Variants in DCLRE1C observed in about 807,000 individuals in gnomAD.
DCLRE1C encodes DNA cross-link repair 1C.
In DCLRE1C, 47 loss-of-function variants were observed where a neutral mutation model predicts 61.4. The observed-to-expected ratio is 0.77, with a 90% CI of 0.61 to 0.98. The LOEUF (loss-of-function observed/expected upper bound fraction) is 0.98, where lower values mean the gene tolerates loss of function less well. DCLRE1C is among the 50% of genes least tolerant of loss of function. DCLRE1C has a pLI of 0.00. For synonymous variants in DCLRE1C, 337 were observed against 287.6 expected (o/e 1.17, Z -1.74); for missense variants, 858 against 816.0 (o/e 1.05, Z -0.63).
intron 3 of DCLRE1C, among the ~76,000 whole-genome samples, chr10:14,940,288 TTA>T (rs1491218791): frequency 0.015 from 1,285 of 85,494 alleles, 52 homozygotes; most frequent in African/African-American, 0.043. Context: ...CACGGTTCTT[TTA>T]TTTTTTTTTT....
chr10:14,900,867 G>C (rs570624867), downstream of DCLRE1C, among the ~76,000 whole-genome samples: 1 of 152,302 alleles, frequency 6.6e-6, no homozygotes, highest in African/African-American at 2.4e-5. Context: ...AGAGGAATAA[G>C]ATTGGCAAGC....
chr10:14,928,448 C>T (rs563804768), intron 9 of DCLRE1C, among the ~76,000 whole-genome samples: 6 of 152,232 alleles, frequency 3.9e-5, no homozygotes, highest in Non-Finnish European at 7.4e-5. Flanking sequence ...ACGCAATGGA[C>T]GACCCTCAAA....
In DCLRE1C at chr10:14,918,638, A is replaced by G. The variant is rs183949812; in HGVS notation, c.1156+1100T>C. On this transcript the variant is annotated intron_variant, in intron 13 of 13. Transcript: ENST00000378278. ...CAGGAAAGCTGTTTTTTAAAAAAAA[A>G]AAAAAAGAAAAAAACCTTAGTAAAT... is the stretch of plus-strand genomic sequence containing the variant. 4.2e-3 allele frequency among the ~76,000 whole-genome samples: 631 copies of G among 152,036 alleles called. 2 individuals are homozygous for G. The highest frequency in any genetic ancestry group is 5.9e-3 in the Non-Finnish European group (398 of 67,958).
intron 3 of DCLRE1C, among the ~76,000 whole-genome samples, chr10:14,944,854 T>C (rs956087593): frequency 6.6e-6 from 1 of 151,784 alleles, no homozygotes; most frequent in Non-Finnish European, 1.5e-5. Flanking sequence ...TTTGTATTTT[T>C]AGTAGAGACA....
chr10:14,920,355 G>C (rs41299704), intron 12 of DCLRE1C: 2 of 1,034,218 alleles, frequency 1.9e-6, no homozygotes, highest in African/African-American at 3.5e-5. Flanking sequence ...AAAAGGCAGA[G>C]AAATAAGATT....
chr10:14,917,639 C>T (rs1481599437), intron 13 of DCLRE1C, among the ~76,000 whole-genome samples: 1 of 152,090 alleles, frequency 6.6e-6, no homozygotes, highest in Middle Eastern at 3.2e-3. Flanking sequence ...GCTTGGGCAA[C>T]ATGGTGAAAC....
At chr10:14,920,016 C>T (rs1270391307) in intron 12 of DCLRE1C, among the ~76,000 whole-genome samples, 184 bp from the exon 13 acceptor site, 4 of 152,132 alleles carry the variant, frequency 2.6e-5, no homozygotes, top group African/African-American at 9.7e-5. Context: ...CAGTTCTAAA[C>T]TGATTTCATA....
At chr10:14,940,669 G>A (rs1010618627) in intron 3 of DCLRE1C, among the ~76,000 whole-genome samples, 14 of 152,256 alleles carry the variant, frequency 9.2e-5, no homozygotes, top group Non-Finnish European at 1.6e-4. Flanking sequence ...CACATAAGAG[G>A]CATTCAGTAA....
In DCLRE1C at chr10:14,905,873, T is replaced by G. The variant is rs534952346; in HGVS notation, c.*2535A>C. Among the ~76,000 whole-genome samples the G allele has an allele frequency of 1.3e-5, 2 of 152,220 alleles. No individual in the cohort carries two copies. Among genetic ancestry groups the G allele is most frequent in the South Asian group, 4.1e-4 (2 of 4,820 alleles). ...GGCACACACCTGTAATCCCAGCTAC[T>G]TGGGAGGCTGAGGCAGGAAAATCAC... is the stretch of plus-strand genomic sequence containing the variant. On this transcript the variant is annotated 3_prime_UTR_variant, in exon 14 of 14. Transcript: ENST00000378278.
intron 13 of DCLRE1C, among the ~76,000 whole-genome samples, chr10:14,918,893 C>T (rs1836642549): frequency 6.6e-6 from 1 of 152,154 alleles, no homozygotes; most frequent in South Asian, 2.1e-4. Flanking sequence ...ATTAGAATCC[C>T]AGGCCCATCA....
chr10:14,924,796 G>A (rs929500356), intron 11 of DCLRE1C, among the ~76,000 whole-genome samples: 16 of 151,764 alleles, frequency 1.1e-4, no homozygotes, highest in African/African-American at 3.4e-4. Flanking sequence ...GCAGTGAGCC[G>A]AGATCACGCC....
At chr10:14,933,825 T>C (rs1839423501) in intron 8 of DCLRE1C, among the ~76,000 whole-genome samples, 1 of 152,230 alleles carries the variant, frequency 6.6e-6, no homozygotes, top group African/African-American at 2.4e-5. Context: ...GGCATTTCAC[T>C]GAAGGCTCTT....
At chr10:14,951,760 T>A (rs1370835205) in intron 1 of DCLRE1C, among the ~76,000 whole-genome samples, 1 of 152,188 alleles carries the variant, frequency 6.6e-6, no homozygotes, top group East Asian at 1.9e-4. Flanking sequence ...GTAAGGAAAC[T>A]AATCCTATCA....
At chr10:14,912,430 C>T (rs56141377) in intron 13 of DCLRE1C, among the ~76,000 whole-genome samples, 4,030 of 152,170 alleles carry the variant, frequency 0.026, 103 homozygotes, top group Middle Eastern at 0.058. Context: ...AAAATTCTAC[C>T]CCCCACAAGA....
rs1344645675 is a variant in DCLRE1C at position 14,907,644 on chromosome 10, A to G, written c.*764T>C. Among the ~76,000 whole-genome samples, 1 of 152,102 alleles carries G rather than the reference A, an allele frequency of 6.6e-6. No individual in the cohort carries two copies. The highest frequency in any genetic ancestry group is 1.5e-5 in the Non-Finnish European group (1 of 68,006). ...TTGGTGAACTAGACCTTTTATCATT[A>G]GGAAACTGTCCATATAACCACTCCA... is the stretch of plus-strand genomic sequence containing the variant. On this transcript the variant is annotated 3_prime_UTR_variant, in exon 14 of 14. Coordinates refer to ENST00000378278, the MANE Select transcript of DCLRE1C (RefSeq NM_001033855.3).
exon 14 of DCLRE1C, chr10:14,897,928 A>C (rs2131705409): frequency 6.5e-6 from 1 of 153,216 alleles, no homozygotes; most frequent in South Asian, 2.1e-4. Context: ...GCAGAACTCT[A>C]TTTTGGATCA....
At chr10:14,928,260 A>G in intron 9 of DCLRE1C, 108 bp from the exon 10 acceptor site, 1 of 956,788 alleles carries the variant, frequency 1.0e-6, no homozygotes, top group East Asian at 2.7e-5. Flanking sequence ...CGAAAAAATA[A>G]AAAATAAAAA....
At chr10:14,914,575 A>G (rs955280489) in intron 13 of DCLRE1C, among the ~76,000 whole-genome samples, 5 of 152,362 alleles carry the variant, frequency 3.3e-5, no homozygotes, top group African/African-American at 1.2e-4. Context: ...TTTGAAGTAC[A>G]CATTAAACAT....
At chr10:14,949,491 C>T (rs569289965) in intron 1 of DCLRE1C, among the ~76,000 whole-genome samples, 28 of 152,280 alleles carry the variant, frequency 1.8e-4, no homozygotes, top group African/African-American at 5.8e-4. Flanking sequence ...AATTCAAGTT[C>T]GTGGTCATGG....
Sources: allele counts gnomAD v4.1 joint callset (sites outside exome capture counted in the v4.1 genomes callset), GRCh38; gene constraint gnomAD v4.1.1; transcripts MANE v1.5; gene names NCBI Gene and HGNC (gene_info 2026-07-23, HGNC 2026-07-21).